The following CCDC141 variants were observed in gnomAD, a reference collection of about 807,000 sequenced individuals.
The protein encoded by CCDC141 is coiled-coil domain containing 141.
CCDC141 carries 168 observed loss-of-function variants against 181.0 expected under a neutral mutation model. The observed-to-expected ratio is 0.93, with a 90% CI of 0.82 to 1.05. The LOEUF is 1.05. Ranked by LOEUF, CCDC141 falls within the 50% of genes least tolerant of loss-of-function variation. The pLI, the probability that CCDC141 is intolerant of heterozygous loss-of-function variation, is 0.00. For missense variants in CCDC141, 1,902 were observed against 1,788.5 expected (o/e 1.06, Z -1.14); for synonymous variants, 666 against 642.3 (o/e 1.04, Z -0.56).
chr2:178,924,436 T>C (rs1183434729), intron 6 of CCDC141, among the ~76,000 whole-genome samples: 2 of 152,098 alleles, frequency 1.3e-5, no homozygotes, highest in African/African-American at 4.8e-5. Flanking sequence ...TAACAGATGG[T>C]AAAACAAACC....
chr2:179,034,246 G>A (rs2043076503), intron 2 of CCDC141, among the ~76,000 whole-genome samples: 1 of 152,158 alleles, frequency 6.6e-6, no homozygotes. Flanking sequence ...AGGAGGAACA[G>A]AAAACCAAAT....
chr2:178,838,298 A>T (rs1042382248), intron 22 of CCDC141, among the ~76,000 whole-genome samples: 6 of 152,240 alleles, frequency 3.9e-5, no homozygotes, highest in Non-Finnish European at 1.5e-5. Flanking sequence ...GCTCAGTGGC[A>T]TTAAGTGCAT....
chr2:179,035,882 C>A (rs75112171), intron 2 of CCDC141, among the ~76,000 whole-genome samples: 19,012 of 152,224 alleles, frequency 0.12, 1,307 homozygotes, highest in Middle Eastern at 0.2. Flanking sequence ...CAGGAGGAGA[C>A]ATTTCAAAGA....
chr2:179,011,716 T>A (rs546805956), intron 2 of CCDC141, among the ~76,000 whole-genome samples: 3 of 152,098 alleles, frequency 2.0e-5, no homozygotes, highest in Admixed American at 6.6e-5. Flanking sequence ...ATAGACCATA[T>A]GATAGGCCAT....
chr2:178,872,571 G>A (rs1476861012), intron 12 of CCDC141, among the ~76,000 whole-genome samples: 1 of 151,920 alleles, frequency 6.6e-6, no homozygotes, highest in Non-Finnish European at 1.5e-5. Context: ...TTATTTCCTG[G>A]GGTTTGAAAG....
chr2:178,961,678 C>A (rs969083465), intron 4 of CCDC141, among the ~76,000 whole-genome samples, 195 bp from the exon 5 acceptor site: 2 of 152,130 alleles, frequency 1.3e-5, no homozygotes, highest in Admixed American at 1.3e-4. Flanking sequence ...ACACCTTAGC[C>A]GAACAATTGT....
intron 6 of CCDC141, among the ~76,000 whole-genome samples, chr2:178,928,401 CTG>C (rs1354154729): frequency 3.9e-5 from 6 of 152,198 alleles, no homozygotes; most frequent in Non-Finnish European, 8.8e-5. Context: ...CACAGATTGA[CTG>C]TGTTAAGGTA....
intron 14 of CCDC141, among the ~76,000 whole-genome samples, chr2:178,870,282 AC>A (rs1476708066): frequency 6.6e-6 from 1 of 150,828 alleles, no homozygotes; most frequent in African/African-American, 2.4e-5. Flanking sequence ...AGAGAATGCT[AC>A]TATAATTTCA....
chr2:178,989,598 AAAAAAAAAAAT>A (rs1263149902), intron 2 of CCDC141, among the ~76,000 whole-genome samples: 3 of 34,882 alleles, frequency 8.6e-5, no homozygotes, highest in Admixed American at 2.5e-4. Flanking sequence ...TGCCTCAAAA[AAAAAAAAAAAT>A]AAATAAATAA....
At chr2:179,028,369 A>G (rs1263484765) in intron 2 of CCDC141, among the ~76,000 whole-genome samples, 1 of 152,140 alleles carries the variant, frequency 6.6e-6, no homozygotes, top group Non-Finnish European at 1.5e-5. Context: ...ATACTAACAA[A>G]AGCTTCGCAG....
At chr2:179,035,895 TA>T (rs1349120798) in intron 2 of CCDC141, among the ~76,000 whole-genome samples, 1 of 152,186 alleles carries the variant, frequency 6.6e-6, no homozygotes, top group African/African-American at 2.4e-5. Context: ...TTCAAAGAAT[TA>T]GTAGCCATCT....
rs758757113 is a variant in CCDC141, at chr2:178,837,445, T to G, written c.3774A>C (p.Pro1258=). Residue 1258 remains proline, a synonymous_variant, in exon 23 of 24, where the codon CCA becomes CCC. Coordinates refer to ENST00000443758, the MANE Select transcript of CCDC141 (RefSeq NM_173648.4). ...SYGVQAGTSS[P]GDAQESVLPP... Reference sequence around the variant, plus strand: ...GAAGAACAGATTCCTGGGCATCCCCTGGGCTGCTGGTCCCAGCCTGCACCC... The same window carrying G: ...GAAGAACAGATTCCTGGGCATCCCCGGGGCTGCTGGTCCCAGCCTGCACCC... 1 of 1,614,080 alleles carries G rather than the reference T, an allele frequency of 6.2e-7. No individual in the cohort carries two copies. The highest frequency in any genetic ancestry group is 1.1e-5 in the South Asian group (1 of 91,080).
chr2:178,828,459 C>T (rs939085374), downstream of CCDC141, among the ~76,000 whole-genome samples: 2 of 152,058 alleles, frequency 1.3e-5, no homozygotes, highest in African/African-American at 4.8e-5. Flanking sequence ...ATCTACTAAC[C>T]CAGACCAGAA....
chr2:178,980,959 T>A (rs943675061), intron 2 of CCDC141, among the ~76,000 whole-genome samples: 2 of 152,182 alleles, frequency 1.3e-5, no homozygotes, highest in Admixed American at 1.3e-4. Flanking sequence ...CTATGTTAAT[T>A]CTACACAGAG....
At chr2:178,990,139 C>CAA (rs60180781) in intron 2 of CCDC141, among the ~76,000 whole-genome samples, 2,151 of 119,140 alleles carry the variant, frequency 0.018, 36 homozygotes, top group African/African-American at 0.046. Context: ...AATTCCATCT[C>CAA]AAAAAAAAAA....
intron 4 of CCDC141, among the ~76,000 whole-genome samples, chr2:178,966,517 A>G (rs1559013449): frequency 6.6e-6 from 1 of 152,226 alleles, no homozygotes; most frequent in Non-Finnish European, 1.5e-5. Flanking sequence ...GCAGACCTGC[A>G]GCAGAGGGGC....
chr2:179,047,175 C>T, intron 2 of CCDC141, 109 bp downstream of exon 2: 1 of 846,028 alleles, frequency 1.2e-6, no homozygotes, highest in Non-Finnish European at 1.7e-6. Context: ...CTACCTGGTA[C>T]CATATTAAAG....
At chr2:178,865,944 G>C in intron 16 of CCDC141, 28 bp from the exon 17 acceptor site, 1 of 1,425,996 alleles carries the variant, frequency 7.0e-7, no homozygotes, top group Non-Finnish European at 9.3e-7. Context: ...TGGTAACAGA[G>C]AGAAAGGACG....
At position 178,855,611 on chromosome 2, in the gene CCDC141, G is replaced by A. The variant is rs990667743; in HGVS notation, c.2866-70C>T. 4 of 1,069,610 alleles carry A rather than the reference G, an allele frequency of 3.7e-6. No homozygotes were observed. In the African/African-American group the frequency reaches 6.6e-5, roughly 18 times the overall value. 66.3% of individuals were successfully genotyped at this position (1,069,610 alleles called of 1,614,324 possible). ...TTTATGATGCTAGTGATTAAATACT[G>A]AGAGAAAAACTGGTAAAAATTTTGC... On this transcript the variant is annotated intron_variant, in intron 18 of 23. Transcript: ENST00000443758.
Sources: allele counts gnomAD v4.1 joint callset (sites outside exome capture counted in the v4.1 genomes callset), GRCh38; gene constraint gnomAD v4.1.1; transcripts MANE v1.5; gene names NCBI Gene and HGNC (gene_info 2026-07-23, HGNC 2026-07-21).